The following TENM3 variants were observed in gnomAD, a reference collection of about 807,000 sequenced individuals.
The protein encoded by TENM3 is teneurin transmembrane protein 3.
Under a neutral mutation model 255.1 loss-of-function variants are expected in TENM3, and 63 were observed. The ratio of observed to expected loss-of-function variants is 0.25; its 90% confidence interval spans 0.20 to 0.30. The LOEUF (loss-of-function observed/expected upper bound fraction) is 0.30, where lower values mean the gene tolerates loss of function less well. Among genes scored for constraint, TENM3 ranks in the 10% least tolerant of loss-of-function variants. The pLI, the probability that TENM3 is intolerant of heterozygous loss-of-function variation, is 1.00. For synonymous variants in TENM3, 1,306 were observed against 1,322.3 expected, an observed-to-expected ratio of 0.99 and a Z score of 0.27; for missense variants, 2,929 against 3,461.1, an observed-to-expected ratio of 0.85 and a Z score of 3.86.
intron 1 of TENM3, among the ~76,000 whole-genome samples, chr4:182,294,911 T>C (rs139730770): frequency 2.7e-4 from 41 of 152,320 alleles, no homozygotes; most frequent in African/African-American, 8.7e-4. Context: ...GTGCAATGCC[T>C]ATTTTTGCTA....
chr4:182,736,430 G>A (rs1761170169), intron 16 of TENM3, among the ~76,000 whole-genome samples: 1 of 152,182 alleles, frequency 6.6e-6, no homozygotes, highest in African/African-American at 2.4e-5. Context: ...TGTGACTACT[G>A]CACTAACAAG....
chr4:181,510,537 A>G, the TENM3 span, among the ~76,000 whole-genome samples: 5 of 151,692 alleles, frequency 3.3e-5, no homozygotes, highest in Non-Finnish European at 5.9e-5. Context: ...AAAATTACTC[A>G]ATAAAAAACA....
chr4:182,793,997 C>A lies in TENM3; in HGVS notation c.7213+112C>A. 2.2e-6 allele frequency: 2 copies of A among 900,520 alleles called. No homozygotes were observed. The highest frequency in any genetic ancestry group is 3.3e-6 in the Non-Finnish European group (2 of 602,982). The allele number at this position is 900,520 out of a possible 1,614,324, so 55.8% of individuals were successfully genotyped here. ...ACTTTATACTTTACTCAGGCAAAGG[C>A]AAATGGCTAACCTTTTAAATGTGTT... On this transcript the variant is annotated intron_variant, in intron 26 of 27. Transcript: ENST00000511685. The surrounding 1 kb of genome is among the most constrained non-coding windows in gnomAD (Gnocchi z 5.7).
the TENM3 span, among the ~76,000 whole-genome samples, chr4:181,558,262 A>G: frequency 6.6e-6 from 1 of 152,228 alleles, no homozygotes; most frequent in African/African-American, 2.4e-5. Flanking sequence ...CAACACACTC[A>G]TCTTTTGGAC....
the TENM3 span, among the ~76,000 whole-genome samples, chr4:181,978,034 A>G: frequency 2.0e-5 from 3 of 152,212 alleles, no homozygotes; most frequent in Non-Finnish European, 4.4e-5. Flanking sequence ...AAGCAAAGAG[A>G]ATAAAATAGT....
At chr4:182,677,016 A>G (rs7666397) in intron 7 of TENM3, among the ~76,000 whole-genome samples, 54,548 of 151,832 alleles carry the variant, frequency 0.36, 10,354 homozygotes, top group African/African-American at 0.48. Context: ...ATATATCTGC[A>G]TCTCCATCTT....
chr4:181,453,671 G>A, the TENM3 span, among the ~76,000 whole-genome samples: 1 of 152,202 alleles, frequency 6.6e-6, no homozygotes. Flanking sequence ...AGGTGGACCA[G>A]CATGCAAAGC....
intron 3 of TENM3, among the ~76,000 whole-genome samples, chr4:182,439,958 A>G (rs571340348): frequency 2.7e-4 from 41 of 152,120 alleles, no homozygotes; most frequent in African/African-American, 9.9e-4. Context: ...GTAAGCATCC[A>G]CCAAGATTCC....
the TENM3 span, among the ~76,000 whole-genome samples, chr4:181,770,474 A>G: frequency 6.6e-6 from 1 of 152,094 alleles, no homozygotes; most frequent in Non-Finnish European, 1.5e-5. Flanking sequence ...GGAGATCAAG[A>G]CCATCCTGGC....
At chr4:181,524,228 A>G in the TENM3 span, among the ~76,000 whole-genome samples, 1 of 152,164 alleles carries the variant, frequency 6.6e-6, no homozygotes, top group Non-Finnish European at 1.5e-5. Flanking sequence ...AGAAATGTGG[A>G]TGGGACAATG....
intron 1 of TENM3, among the ~76,000 whole-genome samples, chr4:182,260,881 CT>C (rs201226910): frequency 4.7e-5 from 7 of 150,188 alleles, no homozygotes; most frequent in Non-Finnish European, 5.9e-5. Flanking sequence ...TATTTTCTTT[CT>C]TTTTTTTTTC....
chr4:181,855,341 A>T, the TENM3 span, among the ~76,000 whole-genome samples: 1 of 152,232 alleles, frequency 6.6e-6, no homozygotes, highest in Non-Finnish European at 1.5e-5. Flanking sequence ...ATAAGGTAAG[A>T]TTACTAGCTC....
At chr4:182,241,912 C>T (rs991197592), upstream of TENM3, among the ~76,000 whole-genome samples, 1 of 151,932 alleles carries the variant, frequency 6.6e-6, no homozygotes, top group East Asian at 1.9e-4. Context: ...CAAATAACCT[C>T]TTTATTCCTG....
At chr4:182,155,942 A>C (rs1398955344) in intron 1 of TENM3, among the ~76,000 whole-genome samples, 1 of 151,868 alleles carries the variant, frequency 6.6e-6, no homozygotes, top group African/African-American at 2.4e-5. Context: ...GAACCCTCAC[A>C]ATCCCTTTCT....
intron 1 of TENM3, among the ~76,000 whole-genome samples, chr4:182,187,550 C>T (rs866817907): frequency 2.0e-5 from 3 of 152,180 alleles, no homozygotes; most frequent in East Asian, 1.9e-4. Context: ...CCCTCCCACC[C>T]GCTTTTTTTA....
At chr4:181,752,796 G>A in the TENM3 span, among the ~76,000 whole-genome samples, 1 of 151,230 alleles carries the variant, frequency 6.6e-6, no homozygotes, top group African/African-American at 2.4e-5. Context: ...AAAAAAAATA[G>A]ATCTTTTAAA....
At chr4:182,302,595 A>G (rs934488898) in intron 1 of TENM3, among the ~76,000 whole-genome samples, 4 of 152,232 alleles carry the variant, frequency 2.6e-5, no homozygotes, top group Non-Finnish European at 5.9e-5. Flanking sequence ...TGGTCAGCCC[A>G]AAATAATGAT....
the TENM3 span, among the ~76,000 whole-genome samples, chr4:181,954,747 C>T: frequency 1.3e-5 from 2 of 152,096 alleles, no homozygotes; most frequent in Non-Finnish European, 2.9e-5. Flanking sequence ...CTGCTTTTTG[C>T]ATCCTAAGAA....
At chr4:181,577,887 G>T in the TENM3 span, among the ~76,000 whole-genome samples, 1 of 152,072 alleles carries the variant, frequency 6.6e-6, no homozygotes, top group Non-Finnish European at 1.5e-5. Context: ...TGTCTCTTTT[G>T]TCCCCAGAAA....
Sources: allele counts gnomAD v4.1 joint callset (sites outside exome capture counted in the v4.1 genomes callset), GRCh38; gene constraint gnomAD v4.1.1; non-coding constraint Gnocchi (gnomAD v3.1); transcripts MANE v1.5; gene names NCBI Gene and HGNC (gene_info 2026-07-23, HGNC 2026-07-21).